The following RERE variants were observed in gnomAD, a reference collection of about 807,000 sequenced individuals.
The protein encoded by RERE is arginine-glutamic acid dipeptide repeats protein.
Under a neutral mutation model 146.1 loss-of-function variants are expected in RERE, and 40 were observed. The ratio of observed to expected loss-of-function variants is 0.27; its 90% CI spans 0.21 to 0.36. The LOEUF is 0.36. Ranked by LOEUF, RERE falls within the 10% of genes least tolerant of loss-of-function variation. The pLI is 1.00. For missense variants in RERE, 1,933 were observed against 2,138.7 expected (o/e 0.90, Z 1.90); for synonymous variants, 1,003 against 866.0 (o/e 1.16, Z -2.78).
intron 3 of RERE, among the ~76,000 whole-genome samples, chr1:8,623,978 A>G (rs1646945601): frequency 6.6e-6 from 1 of 152,212 alleles, no homozygotes; most frequent in Non-Finnish European, 1.5e-5. Flanking sequence ...AATTTACTGA[A>G]TTTACTTTAC....
chr1:8,788,292 A>G (rs755410488), intron 1 of RERE, among the ~76,000 whole-genome samples: 1 of 152,150 alleles, frequency 6.6e-6, no homozygotes, highest in Non-Finnish European at 1.5e-5. Flanking sequence ...TCATAACGTT[A>G]TAATAATATA....
chr1:8,804,199 A>ATG (rs1320582943), intron 1 of RERE, among the ~76,000 whole-genome samples: 1 of 152,170 alleles, frequency 6.6e-6, no homozygotes, highest in African/African-American at 2.4e-5. Context: ...TAAAATATAT[A>ATG]TATGTACACA....
At chr1:8,712,590 T>C (rs1408484131) in intron 1 of RERE, among the ~76,000 whole-genome samples, 1 of 152,204 alleles carries the variant, frequency 6.6e-6, no homozygotes, top group Non-Finnish European at 1.5e-5. Context: ...GGTCCTTTAA[T>C]GTGAGATTTT....
intron 1 of RERE, 135 bp downstream of exon 1, chr1:8,817,025 G>A (rs1011776881): frequency 1.3e-5 from 2 of 152,272 alleles, no homozygotes; most frequent in Non-Finnish European, 2.9e-5. Context: ...CCTCGACTTC[G>A]GCTTCGACCC....
intron 10 of RERE, among the ~76,000 whole-genome samples, chr1:8,483,182 G>C (rs1189722693): frequency 6.6e-6 from 1 of 152,140 alleles, no homozygotes; most frequent in African/African-American, 2.4e-5. Context: ...TGAACGACAA[G>C]AAAACCCAAC....
rs534639420 is a variant in RERE at position 8,799,852 on chromosome 1, C to T, written c.-145+17308G>A. Among the ~76,000 whole-genome samples, 7 of 151,416 alleles carry T rather than the reference C, an allele frequency of 4.6e-5. No homozygotes were observed. In the South Asian group the frequency reaches 1.5e-3, roughly 32 times the overall value. ...TTTAAGATGGAGTCTCGCTCTGTCA[C>T]CCAGGCTGGAGTGCAGTGGCGCAAT... On this transcript the variant is annotated intron_variant, in intron 1 of 22. Coordinates refer to ENST00000400908, the MANE Select transcript of RERE (RefSeq NM_001042681.2).
intron 2 of RERE, among the ~76,000 whole-genome samples, chr1:8,644,292 A>T (rs1647228379): frequency 6.6e-6 from 1 of 152,184 alleles, no homozygotes; most frequent in African/African-American, 2.4e-5. Context: ...TCTTGAGCTG[A>T]GTGACAGCAA....
intron 1 of RERE, among the ~76,000 whole-genome samples, chr1:8,803,157 T>C (rs1293801738): frequency 6.6e-6 from 1 of 152,168 alleles, no homozygotes; most frequent in African/African-American, 2.4e-5. Context: ...AGATAAACTG[T>C]ATAAAACTAT....
intron 12 of RERE, among the ~76,000 whole-genome samples, chr1:8,414,550 C>T (rs576588489): frequency 5.3e-5 from 8 of 151,994 alleles, no homozygotes; most frequent in South Asian, 2.1e-4. Flanking sequence ...AGGGAGATTC[C>T]GTCTCTAAAT....
At chr1:8,545,523 C>A (rs1224293539) in intron 6 of RERE, among the ~76,000 whole-genome samples, 4 of 151,996 alleles carry the variant, frequency 2.6e-5, no homozygotes, top group African/African-American at 9.7e-5. Flanking sequence ...TTCCCGTATC[C>A]CCAGGCATGC....
At chr1:8,498,133 G>A (rs1217501602) in intron 8 of RERE, among the ~76,000 whole-genome samples, 2 of 152,054 alleles carry the variant, frequency 1.3e-5, no homozygotes, top group African/African-American at 4.8e-5. Context: ...GGCCGAGGTG[G>A]GTGGATCACA....
chr1:8,456,773 C>G (rs188153862), intron 11 of RERE, among the ~76,000 whole-genome samples: 57 of 152,262 alleles, frequency 3.7e-4, no homozygotes, highest in Non-Finnish European at 6.2e-4. Flanking sequence ...TTCCTTGGCC[C>G]AGAATTCTCT....
chr1:8,402,905 T>C (rs540232695), intron 12 of RERE, among the ~76,000 whole-genome samples: 1 of 152,292 alleles, frequency 6.6e-6, no homozygotes, highest in East Asian at 1.9e-4. Context: ...CCAGTTTCTT[T>C]CGCTTTTTTT....
intron 1 of RERE, among the ~76,000 whole-genome samples, chr1:8,772,980 G>C (rs1196484741): frequency 6.6e-6 from 1 of 152,036 alleles, no homozygotes; most frequent in Non-Finnish European, 1.5e-5. Context: ...CCAGCTACTT[G>C]GGAAGCTGAG....
chr1:8,703,011 G>C (rs1227458633), intron 1 of RERE: 2 of 151,940 alleles, frequency 1.3e-5, no homozygotes, highest in Admixed American at 1.3e-4. Context: ...TTTCTGGCCC[G>C]AGATTCGCGT....
intron 12 of RERE, among the ~76,000 whole-genome samples, chr1:8,412,787 C>CTG (rs1479303281): frequency 1.3e-5 from 2 of 152,200 alleles, no homozygotes; most frequent in Non-Finnish European, 2.9e-5. Flanking sequence ...TCCCATTGTC[C>CTG]TGGGACAGTA....
At chr1:8,754,217 T>A (rs532317032) in intron 1 of RERE, among the ~76,000 whole-genome samples, 1 of 152,180 alleles carries the variant, frequency 6.6e-6, no homozygotes, top group Admixed American at 6.5e-5. Context: ...TTCCTTTTTT[T>A]TTTTTTCTCC....
intron 1 of RERE, among the ~76,000 whole-genome samples, chr1:8,728,754 T>C (rs1433913137): frequency 1.3e-5 from 2 of 152,218 alleles, no homozygotes; most frequent in Non-Finnish European, 1.5e-5. Flanking sequence ...ATCTTGGGGA[T>C]CCCATCCAGT....
intron 11 of RERE, among the ~76,000 whole-genome samples, chr1:8,459,928 T>C (rs1489144818): frequency 1.3e-5 from 2 of 152,192 alleles, no homozygotes; most frequent in Admixed American, 6.5e-5. Context: ...CTAAAATAAA[T>C]ATAACTAACC....
Sources: gnomAD v4.1 joint callset for allele counts (sites outside exome capture counted in the v4.1 genomes callset) on GRCh38, gnomAD v4.1.1 for gene constraint, MANE v1.5 for transcripts, NCBI Gene and HGNC (gene_info 2026-07-23, HGNC 2026-07-21) for gene names.